The following TOPAZ1 variants were observed in gnomAD, a reference collection of about 807,000 sequenced individuals.
TOPAZ1 encodes testis and ovary specific TOPAZ 1, also known as protein TOPAZ1.
TOPAZ1 carries 66 observed loss-of-function variants against 172.2 expected under a neutral mutation model. The ratio of observed to expected loss-of-function variants is 0.38; its 90% CI spans 0.31 to 0.47. TOPAZ1 has a LOEUF of 0.47. Among genes scored for constraint, TOPAZ1 ranks in the 20% least tolerant of loss-of-function variants. TOPAZ1 has a pLI of 0.99. For synonymous variants in TOPAZ1, 681 were observed against 683.9 expected (o/e 1.00, Z 0.07); for missense variants, 1,822 against 1,972.4 (o/e 0.92, Z 1.44).
At chr3:44,300,477 A>G (rs72872386) in intron 12 of TOPAZ1, among the ~76,000 whole-genome samples, 1,744 of 152,312 alleles carry the variant, frequency 0.011, 33 homozygotes, top group African/African-American at 0.039. Flanking sequence ...TGTTTCACCA[A>G]TGAGGATATG....
chr3:44,282,362 C>T (rs1300000859), intron 9 of TOPAZ1, among the ~76,000 whole-genome samples: 2 of 152,110 alleles, frequency 1.3e-5, no homozygotes, highest in African/African-American at 2.4e-5. Flanking sequence ...ACTTCTTCAT[C>T]CTTCTTCTCT....
chr3:44,284,529 G>A (rs774885735), intron 9 of TOPAZ1, among the ~76,000 whole-genome samples: 6 of 152,100 alleles, frequency 3.9e-5, no homozygotes, highest in African/African-American at 1.4e-4. Context: ...GTTGATGGAC[G>A]CTTGGGTTGT....
Position 44,244,891 on chromosome 3 carries a change from T to C in TOPAZ1, c.2385T>C (p.Asn795=). ...HVSEPGNIVS[N]KEVASLTVEN... is the part of the protein sequence containing the mutation. ...CTGAACCAGGCAATATTGTTTCTAATAAAGAAGTTGCTTCTCTCACAGTTG... is the reference window on the plus strand; with the variant it reads ...CTGAACCAGGCAATATTGTTTCTAACAAAGAAGTTGCTTCTCTCACAGTTG... The change falls in exon 2 of 20, where the codon AAT becomes AAC. Residue 795 remains asparagine, a synonymous_variant. Transcript: ENST00000309765. 6 of 1,551,778 alleles carry C rather than the reference T, an allele frequency of 3.9e-6. No homozygotes were observed. Among genetic ancestry groups the C allele is most frequent in the Non-Finnish European group, 5.2e-6 (6 of 1,147,000 alleles).
chr3:44,284,803 C>A (rs774338246), intron 9 of TOPAZ1, among the ~76,000 whole-genome samples: 3 of 152,080 alleles, frequency 2.0e-5, no homozygotes, highest in Non-Finnish European at 2.9e-5. Flanking sequence ...AGAAAAAAGT[C>A]TTTTCTTTTA....
chr3:44,268,714 T>G (rs1403472477), intron 6 of TOPAZ1, among the ~76,000 whole-genome samples: 1 of 152,056 alleles, frequency 6.6e-6, no homozygotes, highest in Non-Finnish European at 1.5e-5. Context: ...ATTAATTCCA[T>G]TGATTCAGGA....
rs150088405 is a variant in TOPAZ1 at position 44,302,209 on chromosome 3, G to A, written c.3798-1806G>A. ...GCAGATCACGAGGTCAGGAGATAGA[G>A]ACCATTCTGGCTAACATGGTGAAGC... On this transcript the variant is annotated intron_variant, in intron 12 of 19. Coordinates refer to ENST00000309765, the MANE Select transcript of TOPAZ1 (RefSeq NM_001145030.2). Among the ~76,000 whole-genome samples, 490 of 152,272 alleles carry A rather than the reference G, an allele frequency of 3.2e-3. 2 individuals are homozygous for A. Among genetic ancestry groups the A allele is most frequent in the African/African-American group, 0.011 (460 of 41,548 alleles).
At chr3:44,302,668 C>T (rs1000610433) in intron 12 of TOPAZ1, among the ~76,000 whole-genome samples, 7 of 152,048 alleles carry the variant, frequency 4.6e-5, no homozygotes, top group African/African-American at 1.7e-4. Flanking sequence ...CTTGGATGTA[C>T]GCTTCTCCAT....
At chr3:44,303,985 A>G (rs1394846647) in intron 12 of TOPAZ1, 30 bp from the exon 13 acceptor site, 2 of 1,348,286 alleles carry the variant, frequency 1.5e-6, no homozygotes, top group East Asian at 2.5e-5. Context: ...GGGTGAATAT[A>G]GTATAATTAA....
chr3:44,305,221 T>G lies in TOPAZ1; in HGVS notation c.3939T>G (p.Phe1313Leu). 6.5e-7 allele frequency: 1 copy of G among 1,549,288 alleles called. No individual in the cohort carries two copies. ...YINVKMGCEKFADFQTFCACI... is the reference protein window; with the variant it reads ...YINVKMGCEKLADFQTFCACI... ...ACGTAAAAATGGGCTGTGAAAAATT[T>G]GCAGATTTCCAGACATTTTGTGCTT... The change falls in exon 14 of 20, where the codon TTT becomes TTG. Residue 1313 changes from phenylalanine to leucine, a missense_variant. By Grantham distance (22) the Phe-to-Leu change is conservative (BLOSUM62 0). Around this residue, in one of 2 missense-constraint regions of TOPAZ1, gnomAD observed 333 missense variants for 481.7 expected, o/e 0.69. Transcript: ENST00000309765.
chr3:44,256,039 C>T, intron 3 of TOPAZ1, 112 bp from the exon 4 acceptor site: 1 of 700,710 alleles, frequency 1.4e-6, no homozygotes, highest in African/African-American at 1.9e-5. Context: ...ATATTTGTCA[C>T]ATTAGACCTT....
intron 12 of TOPAZ1, among the ~76,000 whole-genome samples, chr3:44,297,174 A>AAC (rs1700209610): frequency 6.6e-6 from 1 of 151,744 alleles, no homozygotes; most frequent in Non-Finnish European, 1.5e-5. Context: ...TGTCTCAAAA[A>AAC]AAAAAAAGAA....
At chr3:44,251,374 A>G (rs1699628695) in intron 2 of TOPAZ1, among the ~76,000 whole-genome samples, 1 of 152,154 alleles carries the variant, frequency 6.6e-6, no homozygotes, top group Non-Finnish European at 1.5e-5. Context: ...CTCCCACATC[A>G]GCCTCCCAAA....
rs1250303096 is a variant in TOPAZ1, at chr3:44,245,006, A to G, written c.2500A>G (p.Ser834Gly). The part of the protein sequence containing the change: ...NEQETFRPVS[S>G]EVRGRKITKN... ...ACAAGAAACATTCCGACCAGTGTCC[A>G]GTGAAGTTAGGGGTAGAAAAATAAC... The change falls in exon 2 of 20, where the codon AGT becomes GGT. Residue 834 changes from serine to glycine, a missense_variant. Ser to Gly is a moderately conservative substitution (Grantham distance 56). Coordinates refer to ENST00000309765, the MANE Select transcript of TOPAZ1 (RefSeq NM_001145030.2). 5 of 1,551,738 alleles carry G rather than the reference A, an allele frequency of 3.2e-6. No individual in the cohort carries two copies. In the South Asian group the frequency reaches 5.9e-5, roughly 18 times the overall value.
chr3:44,254,966 A>G lies in TOPAZ1; in HGVS notation c.2766-2A>G. On this transcript the variant is annotated splice_acceptor_variant, in intron 2 of 19. Transcript: ENST00000309765. LOFTEE classifies it high-confidence loss of function. ...GTTTAAGCTCTGTTTGCTTTATAAT[A>G]GAGAACTTCCTGTACTGGACTGTGG... 1 of 1,549,010 alleles carries G rather than the reference A, an allele frequency of 6.5e-7. No individual in the cohort carries two copies. Among genetic ancestry groups the G allele is most frequent in the Non-Finnish European group, 8.7e-7 (1 of 1,144,652 alleles).
At chr3:44,274,926 G>T (rs1427952197) in intron 8 of TOPAZ1, among the ~76,000 whole-genome samples, 1 of 151,174 alleles carries the variant, frequency 6.6e-6, no homozygotes, top group Non-Finnish European at 1.5e-5. Context: ...AATTGCTCTT[G>T]ATTCATAATA....
At chr3:44,285,490 G>A (rs1489912360) in intron 9 of TOPAZ1, among the ~76,000 whole-genome samples, 1 of 151,826 alleles carries the variant, frequency 6.6e-6, no homozygotes, top group African/African-American at 2.4e-5. Context: ...TAAAATAAAA[G>A]ACAATGCAGT....
chr3:44,283,464 A>G (rs559409580), intron 9 of TOPAZ1, among the ~76,000 whole-genome samples: 15 of 152,350 alleles, frequency 9.8e-5, no homozygotes, highest in Non-Finnish European at 1.9e-4. Flanking sequence ...CTCTACAGAG[A>G]GGCCTCAGGA....
At position 44,242,029 on chromosome 3, in the gene TOPAZ1, C is replaced by T; in HGVS notation, c.-25C>T. On this transcript the variant is annotated 5_prime_UTR_variant, in exon 1 of 20. Transcript: ENST00000309765. Reference sequence around the variant, plus strand: ...GTTCCTGCGAGCTGGTGCAGAGGGGCCCCAGCGGGCCGGCCCCGGGGCACA... The same window carrying T: ...GTTCCTGCGAGCTGGTGCAGAGGGGTCCCAGCGGGCCGGCCCCGGGGCACA... 6.5e-7 allele frequency: 1 copy of T among 1,535,032 alleles called. No homozygotes were observed. The highest frequency in any genetic ancestry group is 8.7e-7 in the Non-Finnish European group (1 of 1,143,800).
At chr3:44,315,294 C>T (rs1047154433) in intron 16 of TOPAZ1, among the ~76,000 whole-genome samples, 5 of 151,710 alleles carry the variant, frequency 3.3e-5, no homozygotes, top group African/African-American at 1.2e-4. Flanking sequence ...GACTACAGTA[C>T]GAATATAAGC....
Sources: gnomAD v4.1 joint callset for allele counts (sites outside exome capture counted in the v4.1 genomes callset) on GRCh38, gnomAD v4.1.1 for gene constraint, gnomAD v4.1.1 regional missense constraint, MANE v1.5 for transcripts, NCBI Gene and HGNC (gene_info 2026-07-23, HGNC 2026-07-21) for gene names.